The following JAZF1 variants were observed in gnomAD, a reference collection of about 807,000 sequenced individuals.
JAZF1 encodes juxtaposed with another zinc finger protein 1.
Under a neutral mutation model 26.4 loss-of-function variants are expected in JAZF1, and 8 were observed. The observed-to-expected ratio is 0.30, with a 90% confidence interval of 0.18 to 0.55. JAZF1 has a LOEUF of 0.55. JAZF1 is among the 20% of genes least tolerant of loss of function. The probability of loss-of-function intolerance (pLI) is 0.94; values close to 1 mark genes in which losing one functional copy is unlikely to be tolerated. For missense variants in JAZF1, 199 were observed against 322.0 expected (o/e 0.62, Z 2.92); for synonymous variants, 126 against 122.3 (o/e 1.03, Z -0.20).
At chr7:27,909,668 T>C (rs553108635) in intron 2 of JAZF1, among the ~76,000 whole-genome samples, 30 of 152,226 alleles carry the variant, frequency 2.0e-4, no homozygotes, top group African/African-American at 7.2e-4. Flanking sequence ...GATCCGCCAC[T>C]GCCCTCCAGC....
intron 2 of JAZF1, among the ~76,000 whole-genome samples, chr7:27,932,378 T>C (rs1784699263): frequency 2.0e-5 from 3 of 152,332 alleles, no homozygotes; most frequent in Admixed American, 6.5e-5. Context: ...TATTGGTGTT[T>C]GATAGGTGCT....
At chr7:28,061,659 C>A (rs1049047353) in intron 1 of JAZF1, among the ~76,000 whole-genome samples, 3 of 152,124 alleles carry the variant, frequency 2.0e-5, no homozygotes, top group East Asian at 3.8e-4. Context: ...TCTTACTAAG[C>A]CTTATGAGAT....
Position 28,136,101 on chromosome 7 carries a change from TACA to T in JAZF1, c.115+44359_115+44361del, listed in dbSNP as rs570112001. Reference sequence around the variant, plus strand: ...ACAACGCTGCTATGGAAGCCCAAAATACAACAACAACAACTAGCATGATCGCAG... The same window carrying T: ...ACAACGCTGCTATGGAAGCCCAAAATACAACAACAACTAGCATGATCGCAG... On this transcript the variant is annotated intron_variant, in intron 1 of 4. Transcript: ENST00000283928. Among the ~76,000 whole-genome samples the T allele has an allele frequency of 1.4e-3, 220 of 152,282 alleles. 1 individual carries two copies. Among genetic ancestry groups the T allele is most frequent in the African/African-American group, 5.2e-3 (217 of 41,550 alleles).
At chr7:28,120,422 G>T (rs1328405314) in intron 1 of JAZF1, among the ~76,000 whole-genome samples, 1 of 150,618 alleles carries the variant, frequency 6.6e-6, no homozygotes, top group African/African-American at 2.4e-5. Flanking sequence ...GAAATATGAA[G>T]GAAGTCTAGC....
intron 1 of JAZF1, among the ~76,000 whole-genome samples, chr7:28,105,805 A>G (rs1784542403): frequency 6.6e-6 from 1 of 152,206 alleles, no homozygotes; most frequent in African/African-American, 2.4e-5. Flanking sequence ...GCGGCTACAG[A>G]AAAAGCTTTC....
At chr7:27,869,858 C>T (rs1460922908) in intron 3 of JAZF1, among the ~76,000 whole-genome samples, 2 of 152,078 alleles carry the variant, frequency 1.3e-5, no homozygotes, top group Non-Finnish European at 1.5e-5. Context: ...ATTTCTGTGT[C>T]GTATTTTCCT....
At chr7:28,043,528 T>G (rs540322428) in intron 1 of JAZF1, among the ~76,000 whole-genome samples, 4 of 152,322 alleles carry the variant, frequency 2.6e-5, no homozygotes, top group African/African-American at 9.6e-5. Context: ...TCAGAAACAC[T>G]GTGAGTTAAA....
intron 3 of JAZF1, among the ~76,000 whole-genome samples, chr7:27,860,902 GGGCACCT>G (rs1783368231): frequency 6.6e-6 from 1 of 151,592 alleles, no homozygotes; most frequent in Non-Finnish European, 1.5e-5. Context: ...GACAGTCTTT[GGGCACCT>G]GGTGCCCTCT....
intron 1 of JAZF1, among the ~76,000 whole-genome samples, chr7:28,099,877 A>G (rs1427839069): frequency 6.6e-6 from 1 of 152,242 alleles, no homozygotes; most frequent in Non-Finnish European, 1.5e-5. Flanking sequence ...TTTAGTCTCC[A>G]AGATTTCAGT....
chr7:28,109,711 CAAT>C (rs1434856836), intron 1 of JAZF1, among the ~76,000 whole-genome samples: 1 of 152,170 alleles, frequency 6.6e-6, no homozygotes, highest in African/African-American at 2.4e-5. Flanking sequence ...CTCACTCTGT[CAAT>C]AGGCTGCTAA....
intron 1 of JAZF1, among the ~76,000 whole-genome samples, chr7:28,110,488 G>GA (rs373011798): frequency 0.056 from 2,702 of 47,886 alleles, 94 homozygotes; most frequent in African/African-American, 0.081. Flanking sequence ...GAAAGGAAAG[G>GA]AAAGGAAAGG....
chr7:27,901,867 T>C (rs146692130), intron 2 of JAZF1, among the ~76,000 whole-genome samples: 1 of 152,350 alleles, frequency 6.6e-6, no homozygotes, highest in East Asian at 1.9e-4. Flanking sequence ...GTTCTAACAG[T>C]GAATGATTCC....
At chr7:27,926,566 AT>A (rs763786345) in intron 2 of JAZF1, among the ~76,000 whole-genome samples, 46 of 152,202 alleles carry the variant, frequency 3.0e-4, no homozygotes, top group Non-Finnish European at 2.8e-4. Context: ...ACTCTAGCCT[AT>A]TTTGTCATCT....
At chr7:28,171,251 T>C (rs1441888801) in intron 1 of JAZF1, among the ~76,000 whole-genome samples, 2 of 152,224 alleles carry the variant, frequency 1.3e-5, no homozygotes, top group Non-Finnish European at 2.9e-5. Flanking sequence ...CAGATTCCCT[T>C]AATATAAACC....
At position 27,831,395 on chromosome 7, in the gene JAZF1, A is replaced by G. The variant is rs780956341; in HGVS notation, c.*1405T>C. ...TTTTATGGGCAGTTAGCTATCTCAA[A>G]GCATTTTTTATTGCATTATTAGGCA... On this transcript the variant is annotated 3_prime_UTR_variant, in exon 5 of 5. Transcript: ENST00000283928. 5.3e-5 allele frequency: 12 copies of G among 227,776 alleles called. No individual in the cohort carries two copies. The highest frequency in any genetic ancestry group is 8.7e-5 in the Non-Finnish European group (10 of 114,392). 14.1% of individuals were successfully genotyped at this position (227,776 alleles called of 1,614,324 possible).
chr7:28,138,807 C>T (rs1372159192), intron 1 of JAZF1, among the ~76,000 whole-genome samples: 1 of 152,204 alleles, frequency 6.6e-6, no homozygotes, highest in Non-Finnish European at 1.5e-5. Context: ...GCTCGGGCCC[C>T]AGACTTACCA....
chr7:28,023,031 A>G (rs1344598947), intron 1 of JAZF1, among the ~76,000 whole-genome samples: 1 of 152,230 alleles, frequency 6.6e-6, no homozygotes, highest in Non-Finnish European at 1.5e-5. Flanking sequence ...GTGAGGATAC[A>G]AGACAAACAC....
chr7:27,880,502 G>A (rs538468218), intron 3 of JAZF1, among the ~76,000 whole-genome samples: 10 of 151,976 alleles, frequency 6.6e-5, no homozygotes, highest in South Asian at 2.1e-4. Context: ...GCGCGGTGGC[G>A]GGTGCCTGTA....
At chr7:27,920,153 G>A (rs144984769) in intron 2 of JAZF1, among the ~76,000 whole-genome samples, 116 of 152,294 alleles carry the variant, frequency 7.6e-4, no homozygotes, top group African/African-American at 2.6e-3. Flanking sequence ...AGTCCTTAGC[G>A]TTCCTTAAAA....
Sources: allele counts gnomAD v4.1 joint callset (sites outside exome capture counted in the v4.1 genomes callset), GRCh38; gene constraint gnomAD v4.1.1; transcripts MANE v1.5; gene names NCBI Gene and HGNC (gene_info 2026-07-23, HGNC 2026-07-21).